SHANK2: variants seen among roughly 807,000 people sequenced by gnomAD.
SHANK2 encodes the protein SH3 and multiple ankyrin repeat domains 2.
Under a neutral mutation model 133.7 loss-of-function variants are expected in SHANK2, and 43 were observed. The ratio of observed to expected loss-of-function variants is 0.32; its 90% CI spans 0.25 to 0.41. SHANK2 has a LOEUF of 0.41. Among genes scored for constraint, SHANK2 ranks in the 10% least tolerant of loss-of-function variants. SHANK2 has a pLI of 1.00. For synonymous variants in SHANK2, 1,017 were observed against 952.8 expected (o/e 1.07, Z -1.24); for missense variants, 1,994 against 2,235.8 (o/e 0.89, Z 2.18).
At chr11:71,149,248 TG>T (rs1344359512) in intron 2 of SHANK2, among the ~76,000 whole-genome samples, 1 of 152,206 alleles carries the variant, frequency 6.6e-6, no homozygotes, top group Non-Finnish European at 1.5e-5. Flanking sequence ...CCGCCACTGG[TG>T]TGCCTCAAAG....
rs912334492 is a variant in SHANK2 at position 71,067,685 on chromosome 11, A to T, written c.1029+7474T>A. 1.8e-4 allele frequency among the ~76,000 whole-genome samples: 28 copies of T among 152,236 alleles called. No individual in the cohort carries two copies. In the East Asian group the frequency reaches 4.6e-3, roughly 25 times the overall value. ...TTACAGGAATATCGTCAATAGCAGC[A>T]TCACCATCATCATCATCATCACCAG... is the stretch of plus-strand genomic sequence containing the variant. On this transcript the variant is annotated intron_variant, in intron 9 of 25. Coordinates refer to ENST00000601538, the MANE Select transcript of SHANK2 (RefSeq NM_012309.5).
intron 11 of SHANK2, among the ~76,000 whole-genome samples, chr11:70,844,647 G>C (rs908802483): frequency 1.3e-5 from 2 of 152,176 alleles, no homozygotes; most frequent in Non-Finnish European, 2.9e-5. Context: ...TCTTTTACAT[G>C]ACAAATTCCT....
At chr11:71,180,554 G>GA (rs1308204017) in intron 2 of SHANK2, among the ~76,000 whole-genome samples, 6 of 151,666 alleles carry the variant, frequency 4.0e-5, no homozygotes, top group Non-Finnish European at 8.8e-5. Context: ...AAGAAAAAAA[G>GA]AAAAAAAACC....
intron 18 of SHANK2, 103 bp from the exon 19 acceptor site, chr11:70,502,389 G>T: frequency 9.3e-7 from 1 of 1,076,626 alleles, no homozygotes; most frequent in Non-Finnish European, 1.3e-6. Context: ...GTCTCAGGCT[G>T]TTTGGCTGCG....
chr11:71,188,922 C>G lies in SHANK2; in HGVS notation c.-13+35775G>C, dbSNP rs1367577103. On this transcript the variant is annotated intron_variant, in intron 2 of 25. Coordinates refer to ENST00000601538, the MANE Select transcript of SHANK2 (RefSeq NM_012309.5). The surrounding 1 kb of genome is among the most constrained non-coding windows in gnomAD (Gnocchi z 4.6). ...AGCAAACCCTGGGGTTCTCTCAATA[C>G]AGCAGGAGCGGGCCCCAGCTCCACG... Among the ~76,000 whole-genome samples the G allele has an allele frequency of 1.3e-5, 2 of 152,194 alleles. No homozygotes were observed. The highest frequency in any genetic ancestry group is 4.8e-5 in the African/African-American group (2 of 41,454).
At chr11:70,913,943 G>A (rs1950231294) in intron 10 of SHANK2, among the ~76,000 whole-genome samples, 1 of 152,232 alleles carries the variant, frequency 6.6e-6, no homozygotes, top group African/African-American at 2.4e-5. Flanking sequence ...ATTAGGGAAA[G>A]CAGCTGGCAT....
intron 11 of SHANK2, among the ~76,000 whole-genome samples, chr11:70,829,358 C>T (rs1948693087): frequency 6.6e-6 from 1 of 152,124 alleles, no homozygotes; most frequent in African/African-American, 2.4e-5. Context: ...GCAGCTGCTC[C>T]TGGAGGTGCA....
intron 11 of SHANK2, among the ~76,000 whole-genome samples, chr11:70,847,063 G>A (rs1423107810): frequency 6.6e-6 from 1 of 152,216 alleles, no homozygotes; most frequent in East Asian, 1.9e-4. Context: ...CTTTACAGAG[G>A]AGAGGTGGAG....
intron 1 of SHANK2, among the ~76,000 whole-genome samples, chr11:71,236,940 G>A (rs547782720): frequency 2.6e-5 from 4 of 152,340 alleles, no homozygotes; most frequent in East Asian, 1.9e-4. Context: ...TGCAGGCAGC[G>A]GCCGGGAGGG....
intron 3 of SHANK2, among the ~76,000 whole-genome samples, chr11:71,123,886 C>T (rs1565464510): frequency 6.6e-6 from 1 of 152,066 alleles, no homozygotes; most frequent in Non-Finnish European, 1.5e-5. Flanking sequence ...GGTCCTATAC[C>T]AGCACCAGGA....
chr11:70,809,177 A>G (rs1555052691), intron 12 of SHANK2, among the ~76,000 whole-genome samples: 1 of 152,208 alleles, frequency 6.6e-6, no homozygotes, highest in African/African-American at 2.4e-5. Flanking sequence ...CATGCTCAGA[A>G]AGACAGGGAA....
At chr11:70,703,581 C>A (rs1945591041) in intron 14 of SHANK2, among the ~76,000 whole-genome samples, 1 of 152,138 alleles carries the variant, frequency 6.6e-6, no homozygotes, top group Non-Finnish European at 1.5e-5. Context: ...GCTGCCCCTT[C>A]CCAAGGCTCC....
At position 70,502,842 on chromosome 11, in the gene SHANK2, G is replaced by C; in HGVS notation, c.2151C>G (p.Val717=). Reference sequence around the variant, plus strand: ...CGGGGTCCAGATTCCTGGTCACCGTGACCACCTTAAGGACCAGGTGATTCC... The same window carrying C: ...CGGGGTCCAGATTCCTGGTCACCGTCACCACCTTAAGGACCAGGTGATTCC... The part of the protein sequence containing the change: ...QGGNHLVLKV[V]TVTRNLDPDD... The change falls in exon 18 of 26, where the codon GTC becomes GTG. Residue 717 remains valine (V), a synonymous_variant. Coordinates refer to ENST00000601538, the MANE Select transcript of SHANK2 (RefSeq NM_012309.5). 1 of 1,611,846 alleles carries C rather than the reference G, an allele frequency of 6.2e-7. No individual in the cohort carries two copies. Among genetic ancestry groups the C allele is most frequent in the Non-Finnish European group, 8.5e-7 (1 of 1,179,630 alleles).
intron 10 of SHANK2, among the ~76,000 whole-genome samples, chr11:70,927,702 G>A (rs1950447854): frequency 6.6e-6 from 1 of 152,176 alleles, no homozygotes; most frequent in Non-Finnish European, 1.5e-5. Flanking sequence ...GGTCCTCAGA[G>A]TAAACTGTTA....
chr11:71,075,927 G>A (rs1031825654), intron 8 of SHANK2, among the ~76,000 whole-genome samples: 1 of 152,226 alleles, frequency 6.6e-6, no homozygotes, highest in Non-Finnish European at 1.5e-5. Flanking sequence ...AACAGACCCA[G>A]TCCTGAACCA....
intron 7 of SHANK2, among the ~76,000 whole-genome samples, chr11:71,093,411 C>G (rs1034203197): frequency 6.6e-6 from 1 of 152,114 alleles, no homozygotes; most frequent in Admixed American, 6.5e-5. Flanking sequence ...ACTCAAATCT[C>G]AATTCAAATT....
At chr11:70,620,870 T>C (rs782568212) in intron 17 of SHANK2, among the ~76,000 whole-genome samples, 24 of 152,298 alleles carry the variant, frequency 1.6e-4, no homozygotes, top group Non-Finnish European at 2.6e-4. Flanking sequence ...AGGAACCAAA[T>C]TGCTGGCACC....
At chr11:70,751,398 C>G (rs1292855350) in intron 14 of SHANK2, among the ~76,000 whole-genome samples, 1 of 152,160 alleles carries the variant, frequency 6.6e-6, no homozygotes, top group Non-Finnish European at 1.5e-5. Context: ...ACTGCAAATG[C>G]AGGATTCTAT....
At chr11:70,547,389 T>G (rs1554976604) in intron 17 of SHANK2, among the ~76,000 whole-genome samples, 1 of 152,182 alleles carries the variant, frequency 6.6e-6, no homozygotes, top group African/African-American at 2.4e-5. Context: ...GCCTTCTGAG[T>G]AGCTGGGATT....
Sources: allele counts gnomAD v4.1 joint callset (sites outside exome capture counted in the v4.1 genomes callset), GRCh38; gene constraint gnomAD v4.1.1; non-coding constraint Gnocchi (gnomAD v3.1); transcripts MANE v1.5; gene names NCBI Gene and HGNC (gene_info 2026-07-23, HGNC 2026-07-21).